Variants in TTC28 observed in about 807,000 individuals in gnomAD.
TTC28 encodes the protein tetratricopeptide repeat domain 28.
A neutral mutation model predicts 198.0 loss-of-function variants in TTC28; 61 were observed. The observed-to-expected ratio is 0.31, with a 90% CI of 0.25 to 0.38. The LOEUF (loss-of-function observed/expected upper bound fraction) is 0.38, where lower values mean the gene tolerates loss of function less well. Ranked by LOEUF, TTC28 falls within the 10% of genes least tolerant of loss-of-function variation. The pLI is 1.00. For missense variants in TTC28, 2,678 were observed against 3,164.0 expected, an observed-to-expected ratio of 0.85 and a Z score of 3.69; for synonymous variants, 1,171 against 1,297.8, an observed-to-expected ratio of 0.90 and a Z score of 2.10.
chr22:28,382,998 A>C (rs2046519087), intron 2 of TTC28, among the ~76,000 whole-genome samples: 1 of 152,170 alleles, frequency 6.6e-6, no homozygotes, highest in Non-Finnish European at 1.5e-5. Context: ...ATCTCATCTT[A>C]CTTGACCTAT....
intron 17 of TTC28, chr22:27,994,571 C>T (rs1937517607): frequency 6.6e-6 from 1 of 151,836 alleles, no homozygotes; most frequent in Non-Finnish European, 1.5e-5. Context: ...GACAGACGAT[C>T]AGCCCTGGCT....
rs183363043 is a variant in TTC28, at chr22:28,396,549, C to T, written c.382-89906G>A. Among the ~76,000 whole-genome samples, 38 of 152,272 alleles carry T rather than the reference C, an allele frequency of 2.5e-4. No individual in the cohort carries two copies. In the East Asian group the frequency reaches 6.8e-3, roughly 27 times the overall value. Reference sequence around the variant, plus strand: ...TCAGTGGAGTCTGGAGATTTAAATTCTAATCATTTTCCCTTTGCCCTTTAA... The same window carrying T: ...TCAGTGGAGTCTGGAGATTTAAATTTTAATCATTTTCCCTTTGCCCTTTAA... On this transcript the variant is annotated intron_variant, in intron 2 of 22. Coordinates refer to ENST00000397906, the MANE Select transcript of TTC28 (RefSeq NM_001145418.2).
At chr22:28,120,002 A>T (rs978520222) in intron 6 of TTC28, among the ~76,000 whole-genome samples, 1 of 152,210 alleles carries the variant, frequency 6.6e-6, no homozygotes, top group African/African-American at 2.4e-5. Context: ...AAGACAGATT[A>T]AAAAACACCC....
At position 28,285,163 on chromosome 22, in the gene TTC28, TACAC is replaced by T. The variant is rs1273640639; in HGVS notation, c.933+11031_933+11034del. Among the ~76,000 whole-genome samples the T allele has an allele frequency of 4.6e-5, 7 of 152,246 alleles. No individual in the cohort carries two copies. In the East Asian group the frequency reaches 9.7e-4, roughly 21 times the overall value. On this transcript the variant is annotated intron_variant, in intron 5 of 22. Transcript: ENST00000397906. ...TTGTGTGTGTACACATACACATACA[TACAC>T]ACACATACATACAAAAATATATGTA...
intron 12 of TTC28, 72 bp downstream of exon 12, chr22:28,094,008 A>C: frequency 7.0e-7 from 1 of 1,423,242 alleles, no homozygotes; most frequent in Non-Finnish European, 9.3e-7. Flanking sequence ...TGTTAGCTCA[A>C]ATAGGATGTT....
chr22:28,637,641 T>C (rs1338266351), intron 1 of TTC28, among the ~76,000 whole-genome samples: 1 of 151,974 alleles, frequency 6.6e-6, no homozygotes, highest in Non-Finnish European at 1.5e-5. Flanking sequence ...AAAATGGCAA[T>C]AGTAAGTCCT....
intron 2 of TTC28, among the ~76,000 whole-genome samples, chr22:28,465,727 A>C (rs190845068): frequency 6.6e-6 from 1 of 152,288 alleles, no homozygotes; most frequent in African/African-American, 2.4e-5. Flanking sequence ...GAGACGTTTA[A>C]TTTTCTCTGA....
At chr22:28,535,019 T>C (rs988543508) in intron 2 of TTC28, among the ~76,000 whole-genome samples, 1 of 151,890 alleles carries the variant, frequency 6.6e-6, no homozygotes, top group Admixed American at 6.6e-5. Flanking sequence ...GTAACAAACC[T>C]GCACATTGTA....
intron 2 of TTC28, among the ~76,000 whole-genome samples, chr22:28,607,747 T>TAGCA (rs959337540): frequency 6.6e-6 from 1 of 152,186 alleles, no homozygotes; most frequent in African/African-American, 2.4e-5. Context: ...GTACCACCTA[T>TAGCA]AGCAGATGAT....
chr22:28,401,226 C>T (rs369311687), intron 2 of TTC28, among the ~76,000 whole-genome samples: 5 of 149,122 alleles, frequency 3.4e-5, no homozygotes, highest in African/African-American at 1.0e-4. Context: ...ACGATGACGA[C>T]GACGATGACG....
chr22:28,158,586 T>C (rs1036825330), intron 6 of TTC28, among the ~76,000 whole-genome samples: 4 of 152,184 alleles, frequency 2.6e-5, no homozygotes, highest in East Asian at 1.9e-4. Context: ...TGGAACAGAA[T>C]AGAGAACCCA....
intron 2 of TTC28, among the ~76,000 whole-genome samples, chr22:28,416,712 C>T (rs2047172649): frequency 1.3e-5 from 2 of 152,276 alleles, no homozygotes; most frequent in South Asian, 2.1e-4. Context: ...ACAACCCATT[C>T]GGGAAAGCAT....
At chr22:28,157,472 C>T (rs1943774571) in intron 6 of TTC28, among the ~76,000 whole-genome samples, 1 of 152,046 alleles carries the variant, frequency 6.6e-6, no homozygotes, top group Non-Finnish European at 1.5e-5. Context: ...ATACGAAAAC[C>T]AAAGACACAT....
At chr22:28,638,548 A>T (rs1160735037) in intron 1 of TTC28, among the ~76,000 whole-genome samples, 1 of 152,166 alleles carries the variant, frequency 6.6e-6, no homozygotes, top group East Asian at 1.9e-4. Flanking sequence ...AACACATGAT[A>T]AATGGCTAGT....
At chr22:28,120,984 T>G (rs1444458768) in intron 6 of TTC28, among the ~76,000 whole-genome samples, 1 of 152,228 alleles carries the variant, frequency 6.6e-6, no homozygotes, top group Non-Finnish European at 1.5e-5. Context: ...GGCTTTTGGT[T>G]AGGGCAATTT....
chr22:28,153,649 T>C (rs1943669468), intron 6 of TTC28, among the ~76,000 whole-genome samples: 1 of 152,160 alleles, frequency 6.6e-6, no homozygotes, highest in African/African-American at 2.4e-5. Flanking sequence ...CATTAAAAGA[T>C]AGCACAGTAT....
intron 3 of TTC28, among the ~76,000 whole-genome samples, chr22:28,299,997 G>A (rs996430949): frequency 1.6e-4 from 25 of 152,162 alleles, no homozygotes; most frequent in African/African-American, 5.8e-4. Flanking sequence ...GCTGCCTGGT[G>A]AAGGCAGCAT....
Position 27,982,190 on chromosome 22 carries a change from C to G in TTC28, c.*31G>C, listed in dbSNP as rs1937041461. On this transcript the variant is annotated 3_prime_UTR_variant, in exon 23 of 23. Transcript: ENST00000397906. The surrounding 1 kb of genome is among the most constrained non-coding windows in gnomAD (Gnocchi z 5.2). ...CAAACGCCAGGCCCCCATCTGCAGG[C>G]TGCTCAGAGTCAGTGGGTATAAAAG... The G allele has an allele frequency of 6.9e-7, 1 of 1,455,528 alleles. No individual in the cohort carries two copies. The highest frequency in any genetic ancestry group is 1.4e-5 in the African/African-American group (1 of 69,714). The allele number at this position is 1,455,528 out of a possible 1,614,324, so 90.2% of individuals were successfully genotyped here.
At chr22:27,991,249 C>G (rs950837022) in intron 19 of TTC28, among the ~76,000 whole-genome samples, 1 of 152,188 alleles carries the variant, frequency 6.6e-6, no homozygotes, top group Non-Finnish European at 1.5e-5. Flanking sequence ...CCATCAAAAG[C>G]AAGAAATTAA....
Sources: gnomAD v4.1 joint callset for allele counts (sites outside exome capture counted in the v4.1 genomes callset) on GRCh38, gnomAD v4.1.1 for gene constraint, Gnocchi (gnomAD v3.1) non-coding constraint, MANE v1.5 for transcripts, NCBI Gene and HGNC (gene_info 2026-07-23, HGNC 2026-07-21) for gene names.